Variants in LIMK2 observed in about 807,000 individuals in gnomAD.
LIMK2 encodes LIM domain kinase 2.
Under a neutral mutation model 75.7 loss-of-function variants are expected in LIMK2, and 35 were observed. The ratio of observed to expected loss-of-function variants is 0.46; its 90% CI spans 0.35 to 0.61. LIMK2 has a LOEUF of 0.61. Among genes scored for constraint, LIMK2 ranks in the 20% least tolerant of loss-of-function variants. The probability of loss-of-function intolerance (pLI) is 0.00; values close to 1 mark genes in which losing one functional copy is unlikely to be tolerated. For synonymous variants in LIMK2, 301 were observed against 319.2 expected (o/e 0.94, Z 0.61); for missense variants, 623 against 831.0 (o/e 0.75, Z 3.08).
At chr22:31,246,623 C>T (rs1410255781) in intron 2 of LIMK2, among the ~76,000 whole-genome samples, 2 of 151,650 alleles carry the variant, frequency 1.3e-5, no homozygotes, top group African/African-American at 4.9e-5. Flanking sequence ...TGTGATGGCA[C>T]GCATCTGTAG....
chr22:31,275,749 A>G (rs1298931793), intron 15 of LIMK2: 1 of 158,848 alleles, frequency 6.3e-6, no homozygotes, highest in African/African-American at 2.4e-5. Context: ...AGACTGTCTG[A>G]ACATATTGTA....
At chr22:31,278,197 C>T (rs999775360) in intron 15 of LIMK2, 100 bp from the exon 16 acceptor site, 30 of 1,053,620 alleles carry the variant, frequency 2.8e-5, no homozygotes, top group African/African-American at 1.6e-4. Context: ...GTTTGCCTGA[C>T]GTTATACAAC....
intron 2 of LIMK2, among the ~76,000 whole-genome samples, chr22:31,244,501 C>T (rs1413982855): frequency 5.3e-5 from 8 of 152,126 alleles, no homozygotes; most frequent in Admixed American, 4.6e-4. Context: ...TTCCCCACTT[C>T]CAGCCCACCT....
Position 31,278,580 on chromosome 22 carries a change from C to G in LIMK2, c.*139C>G, listed in dbSNP as rs1382691550. The G allele has an allele frequency of 2.0e-5, 18 of 881,666 alleles. 1 individual carries two copies. Among genetic ancestry groups the G allele is most frequent in the Non-Finnish European group, 2.4e-5 (15 of 612,468 alleles). The allele number at this position is 881,666 out of a possible 1,614,324, so 54.6% of individuals were successfully genotyped here. On this transcript the variant is annotated 3_prime_UTR_variant, in exon 16 of 16. Transcript: ENST00000331728. ...GAAGCAGAACAAGCCATTCCTATTA[C>G]CTCCCCAGGAGGCAAGTGGGCGCAG...
chr22:31,278,212 A>G, intron 15 of LIMK2, 85 bp from the exon 16 acceptor site: 1 of 1,217,986 alleles, frequency 8.2e-7, no homozygotes, highest in Non-Finnish European at 1.2e-6. Flanking sequence ...TACAACCAGG[A>G]AGTAGCTGAG....
At chr22:31,248,852 CACTT>C (rs1820008524) in intron 2 of LIMK2, 1 of 1,422,508 alleles carries the variant, frequency 7.0e-7, no homozygotes, top group East Asian at 2.3e-5. Context: ...ATCTCCTTCT[CACTT>C]AGTCCTTTAC....
chr22:31,233,344 A>G (rs1394863758), intron 2 of LIMK2, among the ~76,000 whole-genome samples: 2 of 152,238 alleles, frequency 1.3e-5, no homozygotes, highest in South Asian at 2.1e-4. Context: ...GTTAGCATTT[A>G]TTATTAGTAT....
Position 31,278,425 on chromosome 22 carries a change from G to C in LIMK2, c.1901G>C (p.Arg634Pro). The change falls in exon 16 of 16, where the codon CGG (arginine) becomes CCG (proline). Residue 634 changes from arginine (R) to proline (P), a missense_variant. Coordinates refer to ENST00000331728, the MANE Select transcript of LIMK2 (RefSeq NM_005569.4). ...HTVSMQYGLT[R>P]DSPP ...GTGAGCATGCAGTACGGCCTGACCC[G>C]GGACTCACCTCCCTAGCCCTGGCCC... is the stretch of plus-strand genomic sequence containing the variant. 1 of 1,611,820 alleles carries C rather than the reference G, an allele frequency of 6.2e-7. No homozygotes were observed. Among genetic ancestry groups the C allele is most frequent in the Admixed American group, 1.7e-5 (1 of 59,790 alleles).
intron 2 of LIMK2, among the ~76,000 whole-genome samples, chr22:31,249,910 C>T (rs930546879): frequency 1.3e-5 from 2 of 152,148 alleles, no homozygotes; most frequent in African/African-American, 4.8e-5. Context: ...TTTAATCTCT[C>T]AACAGCCTAA....
intron 2 of LIMK2, among the ~76,000 whole-genome samples, chr22:31,257,812 G>T (rs146246480): frequency 3.9e-5 from 6 of 152,228 alleles, no homozygotes; most frequent in Admixed American, 6.5e-5. Context: ...CATTACATTG[G>T]TAACGCTGTT....
At chr22:31,214,097 G>A (rs1028376486) in intron 1 of LIMK2, among the ~76,000 whole-genome samples, 2 of 151,608 alleles carry the variant, frequency 1.3e-5, no homozygotes, top group Non-Finnish European at 2.9e-5. Flanking sequence ...GATTACAGGC[G>A]TGAGCCACCG....
chr22:31,271,329 C>A, intron 12 of LIMK2, 128 bp downstream of exon 12: 1 of 743,268 alleles, frequency 1.3e-6, no homozygotes, highest in East Asian at 2.6e-5. Context: ...CTATCTTTCC[C>A]TTCCTGCTTC....
intron 2 of LIMK2, among the ~76,000 whole-genome samples, chr22:31,244,172 A>G (rs951685961): frequency 1.5e-4 from 23 of 152,002 alleles, no homozygotes; most frequent in Admixed American, 3.9e-4. Context: ...CTAGACACCG[A>G]CTCACTGAGC....
At chr22:31,256,101 C>T (rs1350520003) in intron 2 of LIMK2, among the ~76,000 whole-genome samples, 2 of 139,556 alleles carry the variant, frequency 1.4e-5, no homozygotes, top group Non-Finnish European at 1.5e-5. Context: ...CAGGTTCAAG[C>T]GATTCTCCTG....
chr22:31,261,164 A>G (rs2048834600), intron 5 of LIMK2, among the ~76,000 whole-genome samples: 1 of 152,060 alleles, frequency 6.6e-6, no homozygotes, highest in Non-Finnish European at 1.5e-5. Flanking sequence ...TTTCTTAATT[A>G]AAAGAAAAGT....
At chr22:31,233,550 A>T (rs932536688) in intron 2 of LIMK2, among the ~76,000 whole-genome samples, 13 of 152,134 alleles carry the variant, frequency 8.5e-5, no homozygotes, top group African/African-American at 3.1e-4. Flanking sequence ...ATTGTCCTCC[A>T]CACACTGATG....
In LIMK2 at chr22:31,262,739, A is replaced by T. The variant is rs1568998089; in HGVS notation, c.802A>T (p.Thr268Ser). ...QNAGHPHALSTLDTKENLEGT... is the reference protein window; with the variant it reads ...QNAGHPHALSSLDTKENLEGT... ...TGCCGGACACCCCCACGCCCTCAGC[A>T]CCCTGGACACCAAGGAGAATCTGGA... is the stretch of plus-strand genomic sequence containing the variant. The change falls in exon 7 of 16, where the codon ACC becomes TCC. Residue 268 changes from threonine to serine, a missense_variant. Coordinates refer to ENST00000331728, the MANE Select transcript of LIMK2 (RefSeq NM_005569.4). The surrounding 1 kb of genome is among the most constrained non-coding windows in gnomAD (Gnocchi z 5.0). 1 of 1,613,894 alleles carries T rather than the reference A, an allele frequency of 6.2e-7. No individual in the cohort carries two copies. Among genetic ancestry groups the T allele is most frequent in the Non-Finnish European group, 8.5e-7 (1 of 1,179,894 alleles).
intron 2 of LIMK2, among the ~76,000 whole-genome samples, chr22:31,245,523 A>G (rs1489070240): frequency 6.6e-6 from 1 of 152,140 alleles, no homozygotes; most frequent in East Asian, 1.9e-4. Context: ...GCTAGTCTCG[A>G]ACTTCCAACC....
chr22:31,216,858 A>G (rs1034815325), intron 1 of LIMK2, among the ~76,000 whole-genome samples: 2 of 152,188 alleles, frequency 1.3e-5, no homozygotes, highest in African/African-American at 2.4e-5. Flanking sequence ...TCTCATTTCA[A>G]TGAGAGGACC....
Sources: gnomAD v4.1 joint callset for allele counts (sites outside exome capture counted in the v4.1 genomes callset) on GRCh38, gnomAD v4.1.1 for gene constraint, Gnocchi (gnomAD v3.1) non-coding constraint, MANE v1.5 for transcripts, NCBI Gene and HGNC (gene_info 2026-07-23, HGNC 2026-07-21) for gene names.